TLL1: variants seen among roughly 807,000 people sequenced by gnomAD.
TLL1 encodes tolloid like 1.
Under a neutral mutation model 128.2 loss-of-function variants are expected in TLL1, and 49 were observed. That is an observed-to-expected ratio of 0.38 (90% CI 0.30 to 0.48). The LOEUF (loss-of-function observed/expected upper bound fraction) is 0.48, where lower values mean the gene tolerates loss of function less well. TLL1 is among the 20% of genes least tolerant of loss of function. TLL1 has a pLI of 0.96. For missense variants in TLL1, 1,123 were observed against 1,242.0 expected (o/e 0.90, Z 1.44); for synonymous variants, 454 against 418.8 (o/e 1.08, Z -1.03).
Position 166,091,224 on chromosome 4 carries a change from C to T in TLL1, c.2539C>T (p.Arg847Ter), listed in dbSNP as rs780008772. 9 of 1,613,086 alleles carry T rather than the reference C, an allele frequency of 5.6e-6. No individual in the cohort carries two copies. Among genetic ancestry groups the T allele is most frequent in the African/African-American group, 1.3e-5 (1 of 74,848 alleles). The change falls in exon 19 of 21, where the codon CGA becomes TGA. Residue 847 changes from arginine (R) to a stop codon, truncating the protein, a stop_gained. Coordinates refer to ENST00000061240, the MANE Select transcript of TLL1 (RefSeq NM_012464.5). LOFTEE classifies it high-confidence loss of function. ...AACAGAAAAGTCACCGATTCTTGGACGACTGTGTGGCAACAAGATACCAGA... is the reference window on the plus strand; with the variant it reads ...AACAGAAAAGTCACCGATTCTTGGATGACTGTGTGGCAACAAGATACCAGA... ...GETEKSPILG[R>*]LCGNKIPDPL...
At chr4:165,942,662 C>T (rs964604330) in intron 1 of TLL1, among the ~76,000 whole-genome samples, 2 of 150,254 alleles carry the variant, frequency 1.3e-5, no homozygotes, top group African/African-American at 4.9e-5. Flanking sequence ...GGAATTTGAA[C>T]AAATTATTTA....
intron 1 of TLL1, 26 bp from the exon 2 acceptor site, chr4:165,989,355 T>C (rs1736529559): frequency 7.8e-6 from 12 of 1,532,028 alleles, no homozygotes; most frequent in Non-Finnish European, 9.0e-6. Flanking sequence ...ATATTTTACA[T>C]TTTAATTCAA....
chr4:166,099,744 C>T (rs533133234), intron 20 of TLL1, among the ~76,000 whole-genome samples: 7 of 152,086 alleles, frequency 4.6e-5, no homozygotes, highest in East Asian at 3.9e-4. Context: ...CAGGTGAAAC[C>T]GATGAAATCA....
At chr4:166,073,718 T>G (rs921643802) in intron 16 of TLL1, among the ~76,000 whole-genome samples, 3 of 152,198 alleles carry the variant, frequency 2.0e-5, no homozygotes, top group Non-Finnish European at 4.4e-5. Flanking sequence ...ACAAAATAGA[T>G]GTACCTTTAA....
Position 166,102,170 on chromosome 4 carries a change from A to G in TLL1, c.*1294A>G, listed in dbSNP as rs941910110. 1 of 152,466 alleles carries G rather than the reference A, an allele frequency of 6.6e-6. No homozygotes were observed. Among genetic ancestry groups the G allele is most frequent in the Non-Finnish European group, 1.5e-5 (1 of 67,950 alleles). 9.4% of individuals were successfully genotyped at this position (152,466 alleles called of 1,614,324 possible). A position where few individuals can be genotyped will look rare whatever the true frequency, so the allele number is the denominator to read the frequency against. On this transcript the variant is annotated 3_prime_UTR_variant, in exon 21 of 21. Transcript: ENST00000061240. ...TGCCTTAGAATTCCTGCACATGATC[A>G]AACAGATCCTCCTAAAACACACCTT...
At chr4:165,994,611 T>C (rs998067129) in intron 4 of TLL1, 78 bp downstream of exon 4, 6 of 1,528,842 alleles carry the variant, frequency 3.9e-6, no homozygotes, top group Non-Finnish European at 5.4e-6. Context: ...TTTTATAGAA[T>C]ATTAACATAA....
At chr4:166,005,379 G>A (rs1334535339) in intron 6 of TLL1, among the ~76,000 whole-genome samples, 2 of 151,928 alleles carry the variant, frequency 1.3e-5, no homozygotes, top group Non-Finnish European at 2.9e-5. Context: ...ATAGAAAAAG[G>A]TTGAGACTAT....
chr4:166,091,314 A>C lies in TLL1; in HGVS notation c.2629A>C (p.Lys877Gln). The change falls in exon 19 of 21, where the codon AAA becomes CAA. Residue 877 changes from lysine (K) to glutamine (Q), a missense_variant. Physicochemically the swap from Lys to Gln is moderately conservative, Grantham distance 53. Coordinates refer to ENST00000061240, the MANE Select transcript of TLL1 (RefSeq NM_012464.5). ...RFVSDASVQR[K>Q]GFQATHSTEC... ...TGTTTCTGATGCATCTGTTCAAAGAAAAGGCTTTCAAGCTACACATTCTAC... is the reference window on the plus strand; with the variant it reads ...TGTTTCTGATGCATCTGTTCAAAGACAAGGCTTTCAAGCTACACATTCTAC... The C allele has an allele frequency of 6.2e-7, 1 of 1,612,860 alleles. No individual in the cohort carries two copies. The highest frequency in any genetic ancestry group is 1.3e-5 in the African/African-American group (1 of 74,986).
At chr4:166,096,469 T>C (rs1742028853) in intron 19 of TLL1, among the ~76,000 whole-genome samples, 1 of 152,110 alleles carries the variant, frequency 6.6e-6, no homozygotes, top group Non-Finnish European at 1.5e-5. Flanking sequence ...TTCAGATTCA[T>C]AAAGCCTCTA....
intron 18 of TLL1, among the ~76,000 whole-genome samples, chr4:166,090,251 T>C (rs1741700732): frequency 6.6e-6 from 1 of 152,114 alleles, no homozygotes; most frequent in Non-Finnish European, 1.5e-5. Context: ...GTATGATGGT[T>C]TTTCTGGGGA....
intron 1 of TLL1, among the ~76,000 whole-genome samples, chr4:165,898,703 T>A (rs1401767529): frequency 3.3e-5 from 5 of 152,306 alleles, no homozygotes; most frequent in South Asian, 2.1e-4. Context: ...TTTTTTTGTG[T>A]CTCTGCCAGG....
chr4:166,091,074 C>A, intron 18 of TLL1, 54 bp from the exon 19 acceptor site: 1 of 1,481,268 alleles, frequency 6.8e-7, no homozygotes, highest in South Asian at 1.2e-5. Flanking sequence ...AAAATTATCT[C>A]ATTTTGAGTG....
Position 166,011,080 on chromosome 4 carries a change from A to C in TLL1, c.917+3032A>C, listed in dbSNP as rs543241265. Among the ~76,000 whole-genome samples the C allele has an allele frequency of 7.8e-4, 118 of 151,506 alleles. No homozygotes were observed. The Middle Eastern group carries it at 0.01, about 13-fold the overall frequency. On this transcript the variant is annotated intron_variant, in intron 7 of 20. Transcript: ENST00000061240. Reference sequence around the variant, plus strand: ...TAATATGTTTTGAAATCAGTTCTGCAAAGTTGGAGTGTGAATTTTTCAAAT... The same window carrying C: ...TAATATGTTTTGAAATCAGTTCTGCCAAGTTGGAGTGTGAATTTTTCAAAT...
intron 1 of TLL1, among the ~76,000 whole-genome samples, chr4:165,890,541 C>T (rs115799144): frequency 0.026 from 3,971 of 152,290 alleles, 108 homozygotes; most frequent in East Asian, 0.1. Flanking sequence ...AGGGGCTATA[C>T]GCCCCATGCA....
chr4:165,997,413 T>C (rs1302439377), intron 5 of TLL1, among the ~76,000 whole-genome samples: 2 of 152,210 alleles, frequency 1.3e-5, no homozygotes, highest in African/African-American at 4.8e-5. Flanking sequence ...GGTAGTGTCA[T>C]TGATATTGAT....
At chr4:166,004,491 A>G (rs2111035462) in intron 6 of TLL1, among the ~76,000 whole-genome samples, 1 of 152,206 alleles carries the variant, frequency 6.6e-6, no homozygotes. Flanking sequence ...CATATATATA[A>G]ATGATTGCAA....
intron 8 of TLL1, among the ~76,000 whole-genome samples, chr4:166,024,344 G>A (rs1032751529): frequency 1.3e-5 from 2 of 152,106 alleles, no homozygotes; most frequent in African/African-American, 2.4e-5. Context: ...TGAGATGAGA[G>A]TTCACCTGCT....
At chr4:165,930,955 C>A (rs1579502031) in intron 1 of TLL1, among the ~76,000 whole-genome samples, 1 of 152,118 alleles carries the variant, frequency 6.6e-6, no homozygotes, top group Non-Finnish European at 1.5e-5. Flanking sequence ...ATAACAATAA[C>A]AATAGCAAAT....
intron 1 of TLL1, among the ~76,000 whole-genome samples, chr4:165,962,044 A>G (rs548478938): frequency 1.6e-4 from 25 of 152,222 alleles, no homozygotes; most frequent in Admixed American, 9.8e-4. Context: ...TGTTCTAAAA[A>G]AAATTGCAAT....
Sources: allele counts gnomAD v4.1 joint callset (sites outside exome capture counted in the v4.1 genomes callset), GRCh38; gene constraint gnomAD v4.1.1; transcripts MANE v1.5; gene names NCBI Gene and HGNC (gene_info 2026-07-23, HGNC 2026-07-21).